Variants in SNX29 observed in about 807,000 individuals in gnomAD.
SNX29 encodes the protein sorting nexin 29, also known as sorting nexin-29.
In SNX29, 78 loss-of-function variants were observed where a neutral mutation model predicts 102.1. The ratio of observed to expected loss-of-function variants is 0.76; its 90% CI spans 0.64 to 0.92. SNX29 has a LOEUF of 0.92. Among genes scored for constraint, SNX29 ranks in the 40% least tolerant of loss-of-function variants. The pLI is 0.00. For synonymous variants in SNX29, 580 were observed against 414.5 expected (o/e 1.40, Z -4.85); for missense variants, 1,280 against 1,061.7 (o/e 1.21, Z -2.86).
chr16:12,078,632 G>A (rs980541016), intron 10 of SNX29, among the ~76,000 whole-genome samples: 1 of 152,142 alleles, frequency 6.6e-6, no homozygotes, highest in Non-Finnish European at 1.5e-5. Context: ...TTGACTTTGG[G>A]GTTACAAATA....
intron 15 of SNX29, among the ~76,000 whole-genome samples, chr16:12,354,371 C>T (rs146243851): frequency 5.6e-4 from 85 of 152,214 alleles, no homozygotes; most frequent in African/African-American, 1.7e-3. Context: ...GAAAGATTTG[C>T]CTGATGTGGT....
intron 20 of SNX29, among the ~76,000 whole-genome samples, chr16:12,567,468 T>TAGC (rs1598117982): frequency 6.6e-6 from 1 of 152,204 alleles, no homozygotes; most frequent in East Asian, 1.9e-4. Context: ...TCCCCTTATC[T>TAGC]AGCAAAAGGG....
At chr16:12,016,994 C>T (rs560703443) in intron 3 of SNX29, among the ~76,000 whole-genome samples, 6 of 151,858 alleles carry the variant, frequency 4.0e-5, no homozygotes, top group African/African-American at 7.3e-5. Flanking sequence ...ATTAACTGAC[C>T]GTGGTAGCGC....
At chr16:12,551,828 C>T (rs2077995579) in intron 20 of SNX29, among the ~76,000 whole-genome samples, 2 of 152,186 alleles carry the variant, frequency 1.3e-5, no homozygotes, top group Non-Finnish European at 2.9e-5. Context: ...TCAGTTTTGT[C>T]ACTTAGCTGC....
At chr16:12,035,151 G>A (rs1224939359) in intron 4 of SNX29, among the ~76,000 whole-genome samples, 2 of 151,514 alleles carry the variant, frequency 1.3e-5, no homozygotes, top group Non-Finnish European at 1.5e-5. Flanking sequence ...GATGGCGTAT[G>A]CCCCTAAAAG....
intron 3 of SNX29, among the ~76,000 whole-genome samples, chr16:12,010,401 C>T (rs2056605853): frequency 6.6e-6 from 1 of 152,118 alleles, no homozygotes; most frequent in Non-Finnish European, 1.5e-5. Context: ...GTGGGAGGAT[C>T]ACTTGATCCC....
intron 4 of SNX29, among the ~76,000 whole-genome samples, chr16:12,036,019 T>G (rs1375037438): frequency 6.6e-6 from 1 of 152,218 alleles, no homozygotes; most frequent in Non-Finnish European, 1.5e-5. Flanking sequence ...CACTGGCCTA[T>G]TTCCAGACTA....
chr16:12,233,951 G>A (rs1384083525), intron 14 of SNX29, among the ~76,000 whole-genome samples: 1 of 152,052 alleles, frequency 6.6e-6, no homozygotes, highest in Non-Finnish European at 1.5e-5. Flanking sequence ...CTCTTTTATG[G>A]CTAAAACAGA....
chr16:11,980,665 CAA>C (rs2055394713), intron 1 of SNX29, among the ~76,000 whole-genome samples: 2 of 152,288 alleles, frequency 1.3e-5, no homozygotes, highest in South Asian at 4.1e-4. Context: ...ACACCTTCCC[CAA>C]GAGTCTTTTT....
intron 14 of SNX29, among the ~76,000 whole-genome samples, chr16:12,216,290 A>C (rs894631855): frequency 6.6e-6 from 1 of 152,168 alleles, no homozygotes; most frequent in African/African-American, 2.4e-5. Flanking sequence ...GTCTTGGGAG[A>C]AGCATTCTCT....
chr16:12,374,319 A>C (rs1301072487), intron 16 of SNX29: 4 of 152,232 alleles, frequency 2.6e-5, no homozygotes, highest in African/African-American at 9.7e-5. Flanking sequence ...ATGTGAGCTG[A>C]GCTATAATGA....
chr16:12,559,084 GCTC>G, intron 20 of SNX29, among the ~76,000 whole-genome samples: 1 of 152,228 alleles, frequency 6.6e-6, no homozygotes, highest in African/African-American at 2.4e-5. Context: ...GTGTCCCCGT[GCTC>G]CTTAGTCTAG....
chr16:12,108,762 C>A (rs925634759), intron 11 of SNX29, among the ~76,000 whole-genome samples: 1 of 152,114 alleles, frequency 6.6e-6, no homozygotes, highest in Non-Finnish European at 1.5e-5. Context: ...TCTGCTCCAT[C>A]CATACACACG....
At chr16:12,474,692 C>T (rs1221492272) in intron 18 of SNX29, among the ~76,000 whole-genome samples, 1 of 152,206 alleles carries the variant, frequency 6.6e-6, no homozygotes, top group Non-Finnish European at 1.5e-5. Flanking sequence ...ATTCAAATTA[C>T]GATGGCAATT....
chr16:12,246,130 A>G (rs1212149804), intron 14 of SNX29, among the ~76,000 whole-genome samples: 2 of 152,138 alleles, frequency 1.3e-5, no homozygotes, highest in African/African-American at 4.8e-5. Context: ...GAGGGTGTCA[A>G]CCTATGTCAA....
At chr16:12,450,713 G>A (rs1597421798) in intron 18 of SNX29, among the ~76,000 whole-genome samples, 1 of 152,210 alleles carries the variant, frequency 6.6e-6, no homozygotes, top group South Asian at 2.1e-4. Context: ...GCTTGCTGAA[G>A]AGCTTGGGCA....
At position 12,277,706 on chromosome 16, in the gene SNX29, C is replaced by G. The variant is rs563990625; in HGVS notation, c.1679-227C>G. Among the ~76,000 whole-genome samples, 4 of 152,282 alleles carry G rather than the reference C, an allele frequency of 2.6e-5. No individual in the cohort carries two copies. In the South Asian group the frequency reaches 8.3e-4, roughly 32 times the overall value. ...CCTCTCAACTCAGCCTCCTGAGCAG[C>G]TGACACTACAGGCGCACACCACCAT... On this transcript the variant is annotated intron_variant, in intron 14 of 20. Transcript: ENST00000566228.
At chr16:12,190,496 C>A (rs1234778254) in intron 13 of SNX29, among the ~76,000 whole-genome samples, 1 of 152,052 alleles carries the variant, frequency 6.6e-6, no homozygotes, top group Admixed American at 6.6e-5. Context: ...GTGGTGGAGG[C>A]AGGGTTGGCA....
chr16:12,260,951 T>A (rs2078729285), intron 14 of SNX29, among the ~76,000 whole-genome samples: 1 of 146,486 alleles, frequency 6.8e-6, no homozygotes. Context: ...GAGTGAGTAT[T>A]TGCTGAGCTC....
Sources: allele counts gnomAD v4.1 joint callset (sites outside exome capture counted in the v4.1 genomes callset), GRCh38; gene constraint gnomAD v4.1.1; transcripts MANE v1.5; gene names NCBI Gene and HGNC (gene_info 2026-07-23, HGNC 2026-07-21).